Variants in ANKHD1 observed in about 807,000 individuals in gnomAD.
ANKHD1 encodes ankyrin repeat and KH domain-containing protein 1.
Under a neutral mutation model 230.5 loss-of-function variants are expected in ANKHD1, and 31 were observed. The ratio of observed to expected loss-of-function variants is 0.13; its 90% CI spans 0.10 to 0.18. The LOEUF is 0.18. Ranked by LOEUF, ANKHD1 falls within the 10% of genes least tolerant of loss-of-function variation. The pLI is 1.00. For missense variants in ANKHD1, 2,256 were observed against 3,071.3 expected (o/e 0.73, Z 6.27); for synonymous variants, 1,074 against 1,117.6 (o/e 0.96, Z 0.78).
chr5:140,527,427 C>A lies in ANKHD1; in HGVS notation c.5087+353C>A. On this transcript the variant is annotated intron_variant, in intron 27 of 33. Coordinates refer to ENST00000360839, the MANE Select transcript of ANKHD1 (RefSeq NM_017747.3). The surrounding 1 kb of genome is among the most constrained non-coding windows in gnomAD (Gnocchi z 4.5). ...AGAATACATGTCAGCTCATCATTGA[C>A]CTGAGGCTTTATTTTTTATTGCTAA... 2 of 219,294 alleles carry A rather than the reference C, an allele frequency of 9.1e-6. No homozygotes were observed. The highest frequency in any genetic ancestry group is 1.5e-4 in the South Asian group (2 of 13,076). The allele number at this position is 219,294 out of a possible 1,614,324, so 13.6% of individuals were successfully genotyped here.
Position 140,507,338 on chromosome 5 carries a change from G to A in ANKHD1, c.3551+361G>A, listed in dbSNP as rs536935181. ...TATTTATTTTTTGAGATGGAGTTTC[G>A]CTCTTGTTGCCCAGGCTGGAATGCA... On this transcript the variant is annotated intron_variant, in intron 19 of 33. Coordinates refer to ENST00000360839, the MANE Select transcript of ANKHD1 (RefSeq NM_017747.3). The surrounding 1 kb of genome is among the most constrained non-coding windows in gnomAD (Gnocchi z 4.1). Among the ~76,000 whole-genome samples the A allele has an allele frequency of 4.2e-4, 64 of 152,178 alleles. No individual in the cohort carries two copies. The highest frequency in any genetic ancestry group is 2.6e-4 in the Non-Finnish European group (18 of 68,002).
rs1284554187 is a variant in ANKHD1, at chr5:140,444,088, CCCT to C, written c.914-1653_914-1651del. ...CTTGGTTGAGATGAAGTCCCCCCCC[CCCT>C]TTTTTTTTTTTTTAGCTGAAATAGA... On this transcript the variant is annotated intron_variant, in intron 5 of 33. Coordinates refer to ENST00000360839, the MANE Select transcript of ANKHD1 (RefSeq NM_017747.3). 8.9e-5 allele frequency among the ~76,000 whole-genome samples: 13 copies of C among 145,388 alleles called. No individual in the cohort carries two copies. The East Asian group carries it at 2.5e-3, about 27-fold the overall frequency.
Position 140,539,545 on chromosome 5 carries a change from A to G in ANKHD1, c.*127A>G, listed in dbSNP as rs551539386. On this transcript the variant is annotated 3_prime_UTR_variant, in exon 34 of 34. Transcript: ENST00000360839. ...TTTAGCAATGGAAATTTGATTGCCC[A>G]TTGTATAAGAACAAATTGATTTCCT... 25 of 1,036,126 alleles carry G rather than the reference A, an allele frequency of 2.4e-5. No individual in the cohort carries two copies. In the African/African-American group the frequency reaches 2.9e-4, roughly 12 times the overall value. The allele number at this position is 1,036,126 out of a possible 1,614,324, so 64.2% of individuals were successfully genotyped here. A position where few individuals can be genotyped will look rare whatever the true frequency, so the allele number is the denominator to read the frequency against.
rs560567727 is a variant in ANKHD1 at position 140,421,463 on chromosome 5, G to A, written c.307-14641G>A. On this transcript the variant is annotated intron_variant, in intron 1 of 33. Coordinates refer to ENST00000360839, the MANE Select transcript of ANKHD1 (RefSeq NM_017747.3). ...TTACAGGGGCCGGCCACCACACCCA[G>A]CTAATTTTTGTATTTTTAGTAGAGA... 2.0e-5 allele frequency among the ~76,000 whole-genome samples: 3 copies of A among 152,036 alleles called. No individual in the cohort carries two copies. The East Asian group carries it at 5.8e-4, about 29-fold the overall frequency.
At chr5:140,535,789 G>T (rs1754038665) in intron 30 of ANKHD1, 1 of 307,464 alleles carries the variant, frequency 3.3e-6, no homozygotes, top group Non-Finnish European at 5.3e-6. Context: ...GGGTGCAGTG[G>T]CTGACACCTG....
intron 22 of ANKHD1, 49 bp downstream of exon 22, chr5:140,510,230 T>C: frequency 6.5e-7 from 1 of 1,528,148 alleles, no homozygotes; most frequent in Non-Finnish European, 8.8e-7. Flanking sequence ...AATTCTAAGT[T>C]AAAACCATGT....
Position 140,486,950 on chromosome 5 carries a change from CT to C in ANKHD1, c.2143-3del. 1 of 1,605,474 alleles carries C rather than the reference CT, an allele frequency of 6.2e-7. No individual in the cohort carries two copies. Among genetic ancestry groups the C allele is most frequent in the Admixed American group, 1.7e-5 (1 of 58,470 alleles). ...CTGAGATGATTTTTTTCTGAGTTGACTTTTTAGGTGCCACGTGTGCCAACGC... is the reference window on the plus strand; with the variant it reads ...CTGAGATGATTTTTTTCTGAGTTGACTTTTAGGTGCCACGTGTGCCAACGC... On this transcript the variant is annotated splice_polypyrimidine_tract_variant and splice_region_variant and intron_variant, in intron 13 of 33. Transcript: ENST00000360839.
At chr5:140,439,486 A>G (rs1187222257) in intron 3 of ANKHD1, among the ~76,000 whole-genome samples, 2 of 152,156 alleles carry the variant, frequency 1.3e-5, no homozygotes, top group East Asian at 1.9e-4. Flanking sequence ...CCTGGACAAC[A>G]TGGTGAAAAC....
intron 6 of ANKHD1, among the ~76,000 whole-genome samples, chr5:140,447,409 T>G (rs1774373688): frequency 6.6e-6 from 1 of 152,116 alleles, no homozygotes; most frequent in South Asian, 2.1e-4. Context: ...GGTCTCACTA[T>G]GTTGCCCAGG....
intron 1 of ANKHD1, among the ~76,000 whole-genome samples, chr5:140,423,804 G>T (rs547288933): frequency 1.1e-4 from 16 of 152,280 alleles, no homozygotes; most frequent in African/African-American, 3.6e-4. Flanking sequence ...TTAGAAACTT[G>T]GTTCCTAGTT....
At chr5:140,434,488 GTA>G (rs1175729913) in intron 1 of ANKHD1, among the ~76,000 whole-genome samples, 1 of 149,386 alleles carries the variant, frequency 6.7e-6, no homozygotes, top group African/African-American at 2.5e-5. Flanking sequence ...ACGTATATAT[GTA>G]TATGATATAC....
At chr5:140,532,206 A>T (rs959472258) in intron 29 of ANKHD1, among the ~76,000 whole-genome samples, 5 of 134,150 alleles carry the variant, frequency 3.7e-5, no homozygotes, top group Admixed American at 1.5e-4. Context: ...ACTCTGTCTT[A>T]AAAAAAAAAA....
chr5:140,452,791 A>C, intron 7 of ANKHD1, among the ~76,000 whole-genome samples: 1 of 152,186 alleles, frequency 6.6e-6, no homozygotes, highest in Non-Finnish European at 1.5e-5. Context: ...AAAAACTGAA[A>C]ATTCTAAAAA....
chr5:140,510,181 G>A lies in ANKHD1; in HGVS notation c.4104G>A (p.Lys1368=). ...KITPLMSAFR[K]GHVKVVQYLV... ...CACCTCTTATGTCAGCATTTCGCAA[G>A]GTAATTTGATATGGGGGAAGAAAGG... The change falls in exon 22 of 34, where the codon AAG becomes AAA. Residue 1368 remains lysine, a splice_region_variant and synonymous_variant. Coordinates refer to ENST00000360839, the MANE Select transcript of ANKHD1 (RefSeq NM_017747.3). 1 of 1,594,404 alleles carries A rather than the reference G, an allele frequency of 6.3e-7. No homozygotes were observed. Among genetic ancestry groups the A allele is most frequent in the African/African-American group, 1.3e-5 (1 of 74,684 alleles).
rs1753594093 is a variant in ANKHD1, at chr5:140,525,987, C to T, written c.4493-9C>T. ...TCAGTATGATTTTTATTCTTTTTAA[C>T]AATTTCAGTGGAGCAAGAAGTTCCC... is the stretch of plus-strand genomic sequence containing the variant. On this transcript the variant is annotated splice_polypyrimidine_tract_variant and intron_variant, in intron 25 of 33. Coordinates refer to ENST00000360839, the MANE Select transcript of ANKHD1 (RefSeq NM_017747.3). The T allele has an allele frequency of 6.4e-7, 1 of 1,554,678 alleles. No individual in the cohort carries two copies. The highest frequency in any genetic ancestry group is 8.6e-7 in the Non-Finnish European group (1 of 1,157,402).
chr5:140,445,715 T>C (rs1478743916), intron 5 of ANKHD1, 27 bp from the exon 6 acceptor site: 1 of 1,533,450 alleles, frequency 6.5e-7, no homozygotes, highest in African/African-American at 1.4e-5. Flanking sequence ...TCTGCTCATG[T>C]ATTATATTTC....
At chr5:140,491,139 C>CATAT (rs1193439242) in intron 14 of ANKHD1, among the ~76,000 whole-genome samples, 44 of 56,360 alleles carry the variant, frequency 7.8e-4, no homozygotes, top group African/African-American at 9.3e-4. Context: ...TATATATACA[C>CATAT]ATATATATAT....
In ANKHD1 at chr5:140,539,406, A is replaced by G; in HGVS notation, c.7617A>G (p.Lys2539=). The part of the protein sequence containing the change: ...WAPHIGNMHL[K]YVN ...CTCATATTGGAAACATGCATCTCAA[A>G]TATGTCAACTAAGTTAGAAGGTCTT... Residue 2539 remains lysine, a synonymous_variant, in exon 34 of 34, where the codon AAA becomes AAG. Transcript: ENST00000360839. The G allele has an allele frequency of 6.2e-7, 1 of 1,613,900 alleles. No homozygotes were observed.
At chr5:140,468,250 C>T (rs1200320682) in intron 10 of ANKHD1, among the ~76,000 whole-genome samples, 1 of 136,338 alleles carries the variant, frequency 7.3e-6, no homozygotes, top group Non-Finnish European at 1.6e-5. Flanking sequence ...GGTGACAGGG[C>T]AAGACTCCGT....
Sources: gnomAD v4.1 joint callset for allele counts (sites outside exome capture counted in the v4.1 genomes callset) on GRCh38, gnomAD v4.1.1 for gene constraint, Gnocchi (gnomAD v3.1) non-coding constraint, MANE v1.5 for transcripts, NCBI Gene and HGNC (gene_info 2026-07-23, HGNC 2026-07-21) for gene names.